Variants in CSMD1 observed in about 807,000 individuals in gnomAD.
The protein encoded by CSMD1 is CUB and Sushi multiple domains 1.
In CSMD1, 213 loss-of-function variants were observed where a neutral mutation model predicts 417.5. That is an observed-to-expected ratio of 0.51 (90% CI 0.46 to 0.57). CSMD1 has a LOEUF of 0.57. Among genes scored for constraint, CSMD1 ranks in the 20% least tolerant of loss-of-function variants. The pLI, the probability that CSMD1 is intolerant of heterozygous loss-of-function variation, is 0.00. For missense variants in CSMD1, 6,923 were observed against 4,529.7 expected (o/e 1.53, Z -15.17); for synonymous variants, 2,862 against 1,736.8 (o/e 1.65, Z -16.11).
chr8:3,967,240 G>T (rs6980578), intron 5 of CSMD1, among the ~76,000 whole-genome samples: 4,382 of 151,920 alleles, frequency 0.029, 219 homozygotes, highest in African/African-American at 0.1. Context: ...TTCCTATTCT[G>T]ATCTAATTCT....
Position 4,025,998 on chromosome 8 carries a change from G to A in CSMD1, c.610+5907C>T, listed in dbSNP as rs559955046. ...TGTAGAAGGAGACAGTCATGCTACTGTTAGGAACTCTATAAAAAAAAAAAA... is the reference window on the plus strand; with the variant it reads ...TGTAGAAGGAGACAGTCATGCTACTATTAGGAACTCTATAAAAAAAAAAAA... On this transcript the variant is annotated intron_variant, in intron 4 of 69. Coordinates refer to ENST00000635120, the MANE Select transcript of CSMD1 (RefSeq NM_033225.6). 2.2e-5 allele frequency among the ~76,000 whole-genome samples: 3 copies of A among 138,018 alleles called. No individual in the cohort carries two copies. The Admixed American group carries it at 2.3e-4, about 11-fold the overall frequency. The allele number at this position is 138,018 out of a possible 152,430, so 90.5% of individuals were successfully genotyped here.
At chr8:4,085,340 T>C (rs981521982) in intron 3 of CSMD1, among the ~76,000 whole-genome samples, 4 of 152,078 alleles carry the variant, frequency 2.6e-5, no homozygotes, top group Non-Finnish European at 4.4e-5. Flanking sequence ...ACAAAATGAA[T>C]GGCATCTCAC....
At chr8:3,118,346 G>T (rs904372147) in intron 42 of CSMD1, 53 bp downstream of exon 42, 1 of 1,204,170 alleles carries the variant, frequency 8.3e-7, no homozygotes, top group Non-Finnish European at 1.2e-6. Flanking sequence ...TATTTAATGT[G>T]CTATTATGCC....
intron 5 of CSMD1, among the ~76,000 whole-genome samples, chr8:3,883,117 T>C (rs1277519755): frequency 6.6e-5 from 10 of 152,130 alleles, no homozygotes; most frequent in African/African-American, 2.4e-4. Context: ...TTAGTGTAAA[T>C]AACAAAATAA....
chr8:4,750,035 C>T (rs1169250389), intron 1 of CSMD1, among the ~76,000 whole-genome samples: 1 of 151,690 alleles, frequency 6.6e-6, no homozygotes, highest in Admixed American at 6.6e-5. Flanking sequence ...GAGATGGAGT[C>T]TCGCTCTGTC....
chr8:3,599,208 AG>A (rs1311568113), intron 8 of CSMD1, among the ~76,000 whole-genome samples: 46 of 151,822 alleles, frequency 3.0e-4, no homozygotes, highest in African/African-American at 1.1e-3. Flanking sequence ...ATATATTTAA[AG>A]GTCCTAAATG....
chr8:4,065,698 C>T (rs771894552), intron 3 of CSMD1, among the ~76,000 whole-genome samples: 1 of 152,172 alleles, frequency 6.6e-6, no homozygotes, highest in East Asian at 1.9e-4. Context: ...GTAGGAACAC[C>T]ACATGTATCT....
intron 51 of CSMD1, among the ~76,000 whole-genome samples, chr8:3,028,266 G>A (rs144652896): frequency 2.0e-4 from 31 of 152,244 alleles, no homozygotes; most frequent in Admixed American, 1.1e-3. Flanking sequence ...TCTCCTTACC[G>A]GTGCTAATGC....
intron 11 of CSMD1, among the ~76,000 whole-genome samples, chr8:3,492,554 C>G (rs933204338): frequency 6.7e-5 from 10 of 149,298 alleles, no homozygotes; most frequent in Non-Finnish European, 1.5e-4. Context: ...GCAGGTATTT[C>G]CTTTCTCTTA....
intron 7 of CSMD1, among the ~76,000 whole-genome samples, chr8:3,693,409 A>G (rs2624068): frequency 0.94 from 143,470 of 152,244 alleles, 67,668 homozygotes; most frequent in East Asian, 0.99. Context: ...AGAGTGTGGG[A>G]TAGGCTGACA....
chr8:4,567,788 A>G (rs1159895083), intron 2 of CSMD1, among the ~76,000 whole-genome samples: 1 of 152,202 alleles, frequency 6.6e-6, no homozygotes, highest in African/African-American at 2.4e-5. Context: ...ATTATCGTAT[A>G]CCAGAAAGGA....
At position 3,301,659 on chromosome 8, in the gene CSMD1, C is replaced by G. The variant is rs530208658; in HGVS notation, c.3950+6036G>C. Among the ~76,000 whole-genome samples the G allele has an allele frequency of 1.2e-4, 18 of 152,228 alleles. No homozygotes were observed. The East Asian group carries it at 2.1e-3, about 18-fold the overall frequency. On this transcript the variant is annotated intron_variant, in intron 25 of 69. Coordinates refer to ENST00000635120, the MANE Select transcript of CSMD1 (RefSeq NM_033225.6). ...AGAGATCAGTCAAGCTTTCTTTGTC[C>G]TGAAGTCGAAAGTATCCATGAGCAG...
At chr8:4,964,501 C>CAAAAAAAAAAAAAA (rs768264857) in intron 1 of CSMD1, among the ~76,000 whole-genome samples, 1 of 81,044 alleles carries the variant, frequency 1.2e-5, no homozygotes. Flanking sequence ...GACCCTGTCT[C>CAAAAAAAAAAAAAA]CAAAAAAAAA....
intron 1 of CSMD1, among the ~76,000 whole-genome samples, chr8:4,650,389 G>C (rs1332653501): frequency 1.4e-5 from 2 of 146,532 alleles, no homozygotes; most frequent in Non-Finnish European, 3.0e-5. Flanking sequence ...GAAAACAATA[G>C]CTCCCTTAAC....
At chr8:4,918,042 T>A (rs1014004865) in intron 1 of CSMD1, among the ~76,000 whole-genome samples, 1 of 152,202 alleles carries the variant, frequency 6.6e-6, no homozygotes, top group Non-Finnish European at 1.5e-5. Flanking sequence ...ATACTAGACT[T>A]TGTGATGTTT....
At chr8:3,571,582 C>T (rs918891296) in intron 10 of CSMD1, among the ~76,000 whole-genome samples, 3 of 152,084 alleles carry the variant, frequency 2.0e-5, no homozygotes, top group African/African-American at 7.2e-5. Context: ...CCCACACCCA[C>T]GGCACCTACT....
At chr8:4,853,768 A>T (rs929239789) in intron 1 of CSMD1, among the ~76,000 whole-genome samples, 1 of 152,166 alleles carries the variant, frequency 6.6e-6, no homozygotes, top group Admixed American at 6.5e-5. Context: ...CAACTCCAGC[A>T]CATGAAAGCA....
At chr8:4,591,070 A>T (rs1184099676) in intron 2 of CSMD1, among the ~76,000 whole-genome samples, 2 of 152,208 alleles carry the variant, frequency 1.3e-5, no homozygotes, top group East Asian at 1.9e-4. Flanking sequence ...TCCAACAGAA[A>T]TTCCCAGGAT....
chr8:4,498,260 A>G (rs887814913), intron 2 of CSMD1, among the ~76,000 whole-genome samples: 1 of 152,186 alleles, frequency 6.6e-6, no homozygotes, highest in Non-Finnish European at 1.5e-5. Flanking sequence ...CCATCAAAGT[A>G]CAAACTACTT....
Sources: gnomAD v4.1 joint callset for allele counts (sites outside exome capture counted in the v4.1 genomes callset) on GRCh38, gnomAD v4.1.1 for gene constraint, MANE v1.5 for transcripts, NCBI Gene and HGNC (gene_info 2026-07-23, HGNC 2026-07-21) for gene names.